The following FLNC variants were observed in gnomAD, a reference collection of about 807,000 sequenced individuals.
FLNC encodes filamin-C.
A neutral mutation model predicts 254.3 loss-of-function variants in FLNC; 91 were observed. The ratio of observed to expected loss-of-function variants is 0.36; its 90% CI spans 0.30 to 0.43. The LOEUF is 0.43. Ranked by LOEUF, FLNC falls within the 20% of genes least tolerant of loss-of-function variation. The probability of loss-of-function intolerance (pLI) is 1.00; values close to 1 mark genes in which losing one functional copy is unlikely to be tolerated. For synonymous variants in FLNC, 1,430 were observed against 1,577.2 expected, an observed-to-expected ratio of 0.91 and a Z score of 2.21; for missense variants, 2,853 against 3,802.6, an observed-to-expected ratio of 0.75 and a Z score of 6.57.
chr7:128,845,677 G>A (rs1432747712), intron 21 of FLNC, among the ~76,000 whole-genome samples: 1 of 152,140 alleles, frequency 6.6e-6, no homozygotes, highest in Non-Finnish European at 1.5e-5. Context: ...GGCCACGGCA[G>A]AGGGATGCAA....
In FLNC at chr7:128,830,469, G is replaced by C; in HGVS notation, c.-169G>C. The stretch of plus-strand genomic sequence containing the variant: ...GAGCCAGAGAGCGGCCGAGCGCCTA[G>C]GAGGCCCGCCGAGCCTCGCCGAGCC... On this transcript the variant is annotated 5_prime_UTR_variant, in exon 1 of 48. Transcript: ENST00000325888. 1.6e-6 allele frequency: 1 copy of C among 627,994 alleles called. No homozygotes were observed. Among genetic ancestry groups the C allele is most frequent in the East Asian group, 2.8e-5 (1 of 35,980 alleles). 38.9% of individuals were successfully genotyped at this position (627,994 alleles called of 1,614,324 possible). A position where few individuals can be genotyped will look rare whatever the true frequency, so the allele number is the denominator to read the frequency against.
At position 128,846,795 on chromosome 7, in the gene FLNC, C is replaced by G. The variant is rs1392446470; in HGVS notation, c.4178C>G (p.Ala1393Gly). Residue 1393 changes from alanine to glycine, a missense_variant, in exon 24 of 48, where the codon GCC (alanine) becomes GGC (glycine). Around this residue, in one of 10 missense-constraint regions of FLNC, gnomAD observed 1,573 missense variants for 1,883.5 expected, o/e 0.84. Coordinates refer to ENST00000325888, the MANE Select transcript of FLNC (RefSeq NM_001458.5). ...LGLAIEGPSE[A>G]KMSCKDNKDG... is the part of the protein sequence containing the mutation. ...CTAGCCATCGAGGGTCCCTCGGAAG[C>G]CAAGATGTCCTGCAAGGACAACAAG... is the stretch of plus-strand genomic sequence containing the variant. 6.2e-7 allele frequency: 1 copy of G among 1,614,214 alleles called. No individual in the cohort carries two copies.
In FLNC at chr7:128,842,788, C is replaced by T. The variant is rs1585157852; in HGVS notation, c.2390-6C>T. 15 of 1,613,394 alleles carry T rather than the reference C, an allele frequency of 9.3e-6. No homozygotes were observed. Among genetic ancestry groups the T allele is most frequent in the Non-Finnish European group, 1.3e-5 (15 of 1,179,932 alleles). On this transcript the variant is annotated splice_region_variant and splice_polypyrimidine_tract_variant and intron_variant, in intron 15 of 47. Transcript: ENST00000325888. This position sits in a 1 kb window ranked among gnomAD's most constrained non-coding sequence, Gnocchi z 5.4. ...CCAACTCACAGCAGTGCCCGCTTCT[C>T]TGCAGGCGACGTGAGCATCGGCATC...
chr7:128,840,429 C>T, intron 9 of FLNC, 119 bp from the exon 10 acceptor site: 1 of 1,347,746 alleles, frequency 7.4e-7, no homozygotes, highest in African/African-American at 1.4e-5. Flanking sequence ...CAGCACTGCT[C>T]ACTACAGCAC....
Position 128,846,417 on chromosome 7 carries a change from G to C in FLNC, c.4081G>C (p.Glu1361Gln), listed in dbSNP as rs775618078. 1 of 1,607,082 alleles carries C rather than the reference G, an allele frequency of 6.2e-7. No homozygotes were observed. The highest frequency in any genetic ancestry group is 8.5e-7 in the Non-Finnish European group (1 of 1,179,986). ...CGTCCGAGCCTTCGGGCCAGGCCTGGAGGGTGGCTTGGTCAACAAGGCCAA... is the reference window on the plus strand; with the variant it reads ...CGTCCGAGCCTTCGGGCCAGGCCTGCAGGGTGGCTTGGTCAACAAGGCCAA... ...TRVRAFGPGL[E>Q]GGLVNKANRF... is the part of the protein sequence containing the mutation. Residue 1361 changes from glutamate to glutamine, a missense_variant, in exon 23 of 48, where the codon GAG becomes CAG. Physicochemically the swap from Glu to Gln is conservative, Grantham distance 29 (BLOSUM62 2). Transcript: ENST00000325888.
In FLNC at chr7:128,849,369, A is replaced by G; in HGVS notation, c.4990A>G (p.Thr1664Ala). The G allele has an allele frequency of 1.2e-6, 2 of 1,614,014 alleles. No individual in the cohort carries two copies. The highest frequency in any genetic ancestry group is 1.7e-6 in the Non-Finnish European group (2 of 1,180,012). The change falls in exon 30 of 48, where the codon ACG becomes GCG. Residue 1664 changes from threonine (T) to alanine (A), a missense_variant. By Grantham distance (58) the Thr-to-Ala change is moderately conservative. Around this residue, in one of 10 missense-constraint regions of FLNC, gnomAD observed 258 missense variants for 312.3 expected, o/e 0.83. Coordinates refer to ENST00000325888, the MANE Select transcript of FLNC (RefSeq NM_001458.5). ...LGPRIQIGQE[T>A]VITVDAKAAG... ...CCCTCGAATCCAGATTGGGCAGGAGACGGTGATCACGGTGGATGCCAAGGC... is the reference window on the plus strand; with the variant it reads ...CCCTCGAATCCAGATTGGGCAGGAGGCGGTGATCACGGTGGATGCCAAGGC...
chr7:128,844,534 G>A, intron 20 of FLNC, 124 bp from the exon 21 acceptor site: 1 of 1,011,456 alleles, frequency 9.9e-7, no homozygotes, highest in East Asian at 2.4e-5. Flanking sequence ...CATCACCTGG[G>A]ATTGTTATAA....
chr7:128,838,748 G>A lies in FLNC; in HGVS notation c.1356G>A (p.Val452=). The change falls in exon 8 of 48, where the codon GTG becomes GTA. Residue 452 remains valine, a synonymous_variant. Transcript: ENST00000325888. ...PAMEGPHTVH[V]AFAGAPITRS... Reference sequence around the variant, plus strand: ...TGGAGGGGCCACATACCGTGCATGTGGCCTTTGCGGGTGCCCCCATCACCC... The same window carrying A: ...TGGAGGGGCCACATACCGTGCATGTAGCCTTTGCGGGTGCCCCCATCACCC... 6.2e-7 allele frequency: 1 copy of A among 1,613,072 alleles called. No homozygotes were observed. Among genetic ancestry groups the A allele is most frequent in the South Asian group, 1.1e-5 (1 of 91,088 alleles).
At chr7:128,837,119 T>C in intron 2 of FLNC, 41 bp from the exon 3 acceptor site, 1 of 1,385,390 alleles carries the variant, frequency 7.2e-7, no homozygotes, top group Non-Finnish European at 1.0e-6. Context: ...CCTGGCCGGC[T>C]GGCTGCCCCT....
intron 43 of FLNC, among the ~76,000 whole-genome samples, chr7:128,855,909 G>T (rs2128939951): frequency 6.6e-6 from 1 of 152,300 alleles, no homozygotes; most frequent in South Asian, 2.1e-4. Flanking sequence ...CATTGTAAAG[G>T]AGCTTCTGCA....
rs1251048006 is a variant in FLNC at position 128,830,708 on chromosome 7, C to G, written c.71C>G (p.Thr24Arg). 1.2e-6 allele frequency: 2 copies of G among 1,612,846 alleles called. No individual in the cohort carries two copies. The highest frequency in any genetic ancestry group is 2.7e-5 in the African/African-American group (2 of 74,942). ...GATGAGACAGACGAGATGCCGTCCA[C>G]GGAGAAGGACCTGGCGGAGGACGCG... ...LGDETDEMPS[T>R]EKDLAEDAPW... Residue 24 changes from threonine (T) to arginine (R), a missense_variant, in exon 1 of 48, where the codon ACG becomes AGG. Physicochemically the swap from Thr to Arg is moderately conservative, Grantham distance 71 (BLOSUM62 -1). Around this residue, in one of 10 missense-constraint regions of FLNC, gnomAD observed 13 missense variants for 37.8 expected, o/e 0.34. Transcript: ENST00000325888.
intron 27 of FLNC, 34 bp from the exon 28 acceptor site, chr7:128,848,759 C>A (rs370178962): frequency 6.2e-7 from 1 of 1,613,998 alleles, no homozygotes; most frequent in African/African-American, 1.3e-5. Context: ...ATGCTCCAGG[C>A]ACAGGCGGGC....
chr7:128,831,383 C>T (rs936221054), intron 1 of FLNC, among the ~76,000 whole-genome samples: 3 of 152,224 alleles, frequency 2.0e-5, no homozygotes, highest in Non-Finnish European at 4.4e-5. Context: ...TCTCCCCGCC[C>T]CCAACAAAAC....
At chr7:128,855,040 TG>T (rs1311054305) in intron 42 of FLNC, 128 bp downstream of exon 42, 7 of 1,129,398 alleles carry the variant, frequency 6.2e-6, no homozygotes, top group Non-Finnish European at 9.3e-6. Flanking sequence ...GCTCTTCCTC[TG>T]CCCCGTCTCC....
intron 29 of FLNC, 58 bp downstream of exon 29, chr7:128,849,262 C>A (rs1562999985): frequency 1.2e-6 from 2 of 1,613,838 alleles, no homozygotes. Context: ...CGGTAGGGGG[C>A]GGGCAGCGGG....
intron 1 of FLNC, among the ~76,000 whole-genome samples, chr7:128,832,544 G>GCCCCTCTCCAGGCCTC: frequency 6.6e-6 from 1 of 152,344 alleles, no homozygotes; most frequent in South Asian, 2.1e-4. Context: ...GGGGCTCTCG[G>GCCCCTCTCCAGGCCTC]CCCCTCTCCA....
At chr7:128,852,015 G>A (rs538723302) in intron 35 of FLNC, among the ~76,000 whole-genome samples, 6 of 152,188 alleles carry the variant, frequency 3.9e-5, no homozygotes, top group South Asian at 2.1e-4. Context: ...CCAGGCGCCC[G>A]CCACCATGCC....
intron 1 of FLNC, 108 bp downstream of exon 1, chr7:128,831,097 G>A (rs1807871665): frequency 2.0e-6 from 2 of 1,009,444 alleles, no homozygotes; most frequent in Non-Finnish European, 1.4e-6. Context: ...CAGGGCGGAG[G>A]GCACCCCCCG....
In FLNC at chr7:128,841,927, A is replaced by C. The variant is rs1385853275; in HGVS notation, c.2122-304A>C. The stretch of plus-strand genomic sequence containing the variant: ...GATCTAAGAGGGTGATTCTTCTTTG[A>C]AAGGCTCATGATTCAGTTTTAGGAA... On this transcript the variant is annotated intron_variant, in intron 13 of 47. Transcript: ENST00000325888. This position sits in a 1 kb window ranked among gnomAD's most constrained non-coding sequence, Gnocchi z 4.3. Among the ~76,000 whole-genome samples, 3 of 152,170 alleles carry C rather than the reference A, an allele frequency of 2.0e-5. No individual in the cohort carries two copies. Among genetic ancestry groups the C allele is most frequent in the Non-Finnish European group, 2.9e-5 (2 of 68,036 alleles).
Sources: gnomAD v4.1 joint callset for allele counts (sites outside exome capture counted in the v4.1 genomes callset) on GRCh38, gnomAD v4.1.1 for gene constraint, gnomAD v4.1.1 regional missense constraint, Gnocchi (gnomAD v3.1) non-coding constraint, MANE v1.5 for transcripts, NCBI Gene and HGNC (gene_info 2026-07-23, HGNC 2026-07-21) for gene names.